The following SRGAP3 variants were observed in gnomAD, a reference collection of about 807,000 sequenced individuals.
SRGAP3 encodes SLIT-ROBO Rho GTPase-activating protein 3.
In SRGAP3, 39 loss-of-function variants were observed where a neutral mutation model predicts 121.1. That is an observed-to-expected ratio of 0.32 (90% CI 0.25 to 0.42). SRGAP3 has a LOEUF of 0.42. Ranked by LOEUF, SRGAP3 falls within the 10% of genes least tolerant of loss-of-function variation. SRGAP3 has a pLI of 1.00. For synonymous variants in SRGAP3, 601 were observed against 570.0 expected (o/e 1.05, Z -0.77); for missense variants, 1,213 against 1,470.6 (o/e 0.82, Z 2.86).
At chr3:9,307,487 C>A (rs577694923) in intron 3 of SRGAP3, among the ~76,000 whole-genome samples, 1 of 152,196 alleles carries the variant, frequency 6.6e-6, no homozygotes, top group Non-Finnish European at 1.5e-5. Flanking sequence ...CATGAACCTA[C>A]GACCCAGCTA....
At chr3:9,044,926 C>T (rs1222637129) in intron 10 of SRGAP3, among the ~76,000 whole-genome samples, 1 of 152,118 alleles carries the variant, frequency 6.6e-6, no homozygotes, top group Non-Finnish European at 1.5e-5. Context: ...TAAGAATCTA[C>T]CTGTATCTTT....
chr3:9,110,049 G>C (rs1948559568), intron 2 of SRGAP3, among the ~76,000 whole-genome samples: 1 of 152,118 alleles, frequency 6.6e-6, no homozygotes, highest in Non-Finnish European at 1.5e-5. Context: ...GGAGTGAAAG[G>C]GTAAAACTGC....
chr3:9,193,824 C>G (rs1951837123), intron 1 of SRGAP3: 1 of 152,312 alleles, frequency 6.6e-6, no homozygotes, highest in Non-Finnish European at 1.5e-5. Context: ...CAACCTGTCA[C>G]CAAGCCTAAG....
intron 3 of SRGAP3, among the ~76,000 whole-genome samples, chr3:9,293,967 C>G (rs1954910001): frequency 6.6e-6 from 1 of 152,194 alleles, no homozygotes; most frequent in South Asian, 2.1e-4. Flanking sequence ...TTCAACCCAA[C>G]AATCCCATTA....
chr3:9,349,446 C>G (rs1217382743), intron 1 of SRGAP3, among the ~76,000 whole-genome samples: 1 of 152,194 alleles, frequency 6.6e-6, no homozygotes, highest in Non-Finnish European at 1.5e-5. Flanking sequence ...TCCTCTTGTC[C>G]AACAGAGTTT....
chr3:9,339,983 T>C (rs1955754948), intron 1 of SRGAP3, among the ~76,000 whole-genome samples: 2 of 152,116 alleles, frequency 1.3e-5, no homozygotes, highest in African/African-American at 4.8e-5. Flanking sequence ...CCATGGGTCA[T>C]CAGCTTGCAT....
intron 3 of SRGAP3, among the ~76,000 whole-genome samples, chr3:9,285,392 C>T (rs1315874724): frequency 3.3e-5 from 5 of 152,122 alleles, no homozygotes; most frequent in Admixed American, 6.6e-5. Flanking sequence ...TCTCTGACCC[C>T]GCTTTTCTCT....
intron 1 of SRGAP3, among the ~76,000 whole-genome samples, chr3:9,362,401 T>C (rs1458421064): frequency 6.6e-6 from 1 of 150,500 alleles, no homozygotes; most frequent in Admixed American, 6.6e-5. Context: ...TGACCTCAAG[T>C]GATCCACCCG....
intron 3 of SRGAP3, among the ~76,000 whole-genome samples, chr3:9,295,735 A>G (rs181946748): frequency 9.3e-4 from 142 of 152,192 alleles, no homozygotes; most frequent in African/African-American, 3.2e-3. Flanking sequence ...ACTACCATCC[A>G]TCTCCAGAAT....
At chr3:9,325,476 T>C (rs568613357) in intron 3 of SRGAP3, among the ~76,000 whole-genome samples, 29 of 151,986 alleles carry the variant, frequency 1.9e-4, no homozygotes, top group Non-Finnish European at 3.5e-4. Flanking sequence ...TTCTATTATT[T>C]AGCATAACTT....
chr3:9,112,898 G>A (rs1159131776), intron 2 of SRGAP3, among the ~76,000 whole-genome samples: 1 of 152,242 alleles, frequency 6.6e-6, no homozygotes, highest in African/African-American at 2.4e-5. Flanking sequence ...GGCACTCTCA[G>A]AAAATATTTG....
intron 18 of SRGAP3, among the ~76,000 whole-genome samples, chr3:9,009,623 G>A (rs1446696506): frequency 6.6e-6 from 1 of 152,082 alleles, no homozygotes; most frequent in East Asian, 1.9e-4. Context: ...GTTGGCATAT[G>A]GTTCAGATTG....
At chr3:9,016,495 G>A (rs1943642599) in intron 14 of SRGAP3, among the ~76,000 whole-genome samples, 1 of 152,152 alleles carries the variant, frequency 6.6e-6, no homozygotes, top group African/African-American at 2.4e-5. Flanking sequence ...ACACCTTAAT[G>A]CATCCCATTA....
chr3:9,120,884 G>A (rs1472152197), intron 2 of SRGAP3, among the ~76,000 whole-genome samples: 2 of 152,358 alleles, frequency 1.3e-5, no homozygotes, highest in East Asian at 1.9e-4. Flanking sequence ...CAGCCCAGGT[G>A]AGTCTAGCCC....
At chr3:9,148,172 G>A (rs1950089014) in intron 1 of SRGAP3, among the ~76,000 whole-genome samples, 2 of 152,198 alleles carry the variant, frequency 1.3e-5, no homozygotes, top group African/African-American at 2.4e-5. Flanking sequence ...AGGAGCAGGA[G>A]GAGGAGGAGG....
At chr3:9,001,368 T>C (rs888622930) in intron 18 of SRGAP3, among the ~76,000 whole-genome samples, 5 of 152,200 alleles carry the variant, frequency 3.3e-5, no homozygotes, top group African/African-American at 1.2e-4. Context: ...TGTCCAATTA[T>C]CTGTCCATCA....
chr3:9,109,925 CA>C lies in SRGAP3; in HGVS notation c.261-5084del, dbSNP rs1384269217. On this transcript the variant is annotated intron_variant, in intron 2 of 21. Coordinates refer to ENST00000383836, the MANE Select transcript of SRGAP3 (RefSeq NM_014850.4). The surrounding 1 kb of genome is among the most constrained non-coding windows in gnomAD (Gnocchi z 4.4). ...TTTTGGGGTAGGAGAGTGAGGACAG[CA>C]GGTGAACATGGAGACTGAGGCAGGG... Among the ~76,000 whole-genome samples, 1 of 152,062 alleles carries C rather than the reference CA, an allele frequency of 6.6e-6. No homozygotes were observed. The highest frequency in any genetic ancestry group is 1.5e-5 in the Non-Finnish European group (1 of 68,012).
chr3:9,023,428 C>T (rs927461407), intron 14 of SRGAP3, among the ~76,000 whole-genome samples: 4 of 152,210 alleles, frequency 2.6e-5, no homozygotes, highest in Non-Finnish European at 5.9e-5. Context: ...TTTGCACATG[C>T]TGTTCTCTTG....
intron 7 of SRGAP3, among the ~76,000 whole-genome samples, chr3:9,057,770 G>A (rs73811422): frequency 0.068 from 10,385 of 152,242 alleles, 399 homozygotes; most frequent in Middle Eastern, 0.11. Context: ...TTTGTTTTTC[G>A]TTTGTTTTAT....
Sources: gnomAD v4.1 joint callset for allele counts (sites outside exome capture counted in the v4.1 genomes callset) on GRCh38, gnomAD v4.1.1 for gene constraint, Gnocchi (gnomAD v3.1) non-coding constraint, MANE v1.5 for transcripts, NCBI Gene and HGNC (gene_info 2026-07-23, HGNC 2026-07-21) for gene names.